FLT4: variants seen among roughly 807,000 people sequenced by gnomAD.
The protein encoded by FLT4 is vascular endothelial growth factor receptor 3.
A neutral mutation model predicts 163.2 loss-of-function variants in FLT4; 30 were observed. The observed-to-expected ratio is 0.18, with a 90% CI of 0.14 to 0.25. The LOEUF (loss-of-function observed/expected upper bound fraction) is 0.25. FLT4 is among the 10% of genes least tolerant of loss of function. The probability of loss-of-function intolerance (pLI) is 1.00; values close to 1 mark genes in which losing one functional copy is unlikely to be tolerated. For synonymous variants in FLT4, 884 were observed against 789.5 expected, an observed-to-expected ratio of 1.12 and a Z score of -2.01; for missense variants, 1,510 against 1,863.8, an observed-to-expected ratio of 0.81 and a Z score of 3.50.
chr5:180,610,042 G>A lies in FLT4; in HGVS notation c.3687-17C>T, dbSNP rs555429852. The A allele has an allele frequency of 1.9e-6, 3 of 1,613,978 alleles. No homozygotes were observed. Among genetic ancestry groups the A allele is most frequent in the Admixed American group, 3.3e-5 (2 of 60,018 alleles). ...TTGTAATACCTGTGGGGAGAAATCA[G>A]AAGGTGCTGAGGAACGCGCTGCAGC... is the stretch of plus-strand genomic sequence containing the variant. On this transcript the variant is annotated splice_polypyrimidine_tract_variant and intron_variant, in intron 27 of 29. Transcript: ENST00000261937.
chr5:180,621,680 C>G lies in FLT4; in HGVS notation c.1882G>C (p.Ala628Pro), dbSNP rs201196147. ...TPLAASLEEVAPGARHATLSL... is the reference protein window; with the variant it reads ...TPLAASLEEVPPGARHATLSL... ...AGCGTGGCGTGGCGCGCCCCAGGTG[C>G]CACCTCCTCCAGGCTGGCGGCCAGA... is the stretch of plus-strand genomic sequence containing the variant. Residue 628 changes from alanine to proline, a missense_variant, in exon 13 of 30, where the codon GCA (alanine) becomes CCA (proline). Physicochemically the swap from Ala to Pro is conservative, Grantham distance 27. This residue lies in a region of FLT4 where 878 missense variants were observed against 1,016.7 expected (regional missense o/e 0.86). Coordinates refer to ENST00000261937, the MANE Select transcript of FLT4 (RefSeq NM_182925.5). 33 of 1,611,180 alleles carry G rather than the reference C, an allele frequency of 2.0e-5. No individual in the cohort carries two copies. The highest frequency in any genetic ancestry group is 2.6e-5 in the Non-Finnish European group (31 of 1,178,918).
intron 11 of FLT4, 57 bp from the exon 12 acceptor site, chr5:180,622,896 CCTGT>C (rs1763265121): frequency 8.2e-7 from 1 of 1,224,426 alleles, no homozygotes; most frequent in East Asian, 2.3e-5. Flanking sequence ...CAACCTGGGC[CCTGT>C]CTTTCTGCAA....
intron 21 of FLT4, 54 bp downstream of exon 21, chr5:180,618,716 G>A (rs1762867639): frequency 7.1e-7 from 1 of 1,417,886 alleles, no homozygotes; most frequent in South Asian, 1.2e-5. Context: ...CCTGATCACG[G>A]GATATAACCG....
chr5:180,630,320 T>C lies in FLT4; in HGVS notation c.418A>G (p.Ile140Val), dbSNP rs746160997. Residue 140 changes from isoleucine (I) to valine (V), a missense_variant, in exon 4 of 30, where the codon ATC (isoleucine) becomes GTC (valine). By Grantham distance (29) the Ile-to-Val change is conservative. Transcript: ENST00000261937. This position sits in a 1 kb window ranked among gnomAD's most constrained non-coding sequence, Gnocchi z 6.3. ...VFVRDFEQPFINKPDTLLVNR... is the reference protein window; with the variant it reads ...VFVRDFEQPFVNKPDTLLVNR... ...ACCAAGAGCGTGTCAGGCTTGTTGATGAATGGCTGCTCAAAGTCTATGGAG... is the reference window on the plus strand; with the variant it reads ...ACCAAGAGCGTGTCAGGCTTGTTGACGAATGGCTGCTCAAAGTCTATGGAG... 6.2e-7 allele frequency: 1 copy of C among 1,610,862 alleles called. No individual in the cohort carries two copies. The highest frequency in any genetic ancestry group is 8.5e-7 in the Non-Finnish European group (1 of 1,179,930).
intron 28 of FLT4, 197 bp from the exon 29 acceptor site, chr5:180,609,250 C>G (rs1581609723): frequency 1.6e-6 from 1 of 633,820 alleles, no homozygotes; most frequent in East Asian, 2.8e-5. Context: ...GAGGGAGACA[C>G]TGAGGTCAGG....
In FLT4 at chr5:180,617,000, C is replaced by T. The variant is rs371048569; in HGVS notation, c.3002-6G>A. ...GCTCAGCCACAGGTCCTCAGCTACA[C>T]AGTGGAGCCAGGTGGGCTCAGGAGG... On this transcript the variant is annotated splice_polypyrimidine_tract_variant and splice_region_variant and intron_variant, in intron 21 of 29. Coordinates refer to ENST00000261937, the MANE Select transcript of FLT4 (RefSeq NM_182925.5). 5 of 1,611,264 alleles carry T rather than the reference C, an allele frequency of 3.1e-6. No individual in the cohort carries two copies. In the African/African-American group the frequency reaches 5.3e-5, roughly 17 times the overall value.
chr5:180,604,653 C>G (rs1004156547), intron 29 of FLT4, among the ~76,000 whole-genome samples: 1 of 152,228 alleles, frequency 6.6e-6, no homozygotes, highest in South Asian at 2.1e-4. Flanking sequence ...CCCTATCATG[C>G]ACCATCCTCA....
intron 1 of FLT4, among the ~76,000 whole-genome samples, chr5:180,643,494 C>G (rs2127867691): frequency 6.6e-6 from 1 of 152,346 alleles, no homozygotes; most frequent in South Asian, 2.1e-4. Context: ...GGCTCTCCCC[C>G]CGGGTGGCAA....
intron 23 of FLT4, among the ~76,000 whole-genome samples, chr5:180,615,236 G>T (rs1162201966): frequency 9.4e-6 from 1 of 106,194 alleles, no homozygotes; most frequent in African/African-American, 3.5e-5. Context: ...GGAGCACTGG[G>T]CCCCGCTGGT....
chr5:180,606,560 G>C (rs895729758), intron 29 of FLT4, among the ~76,000 whole-genome samples: 1 of 152,212 alleles, frequency 6.6e-6, no homozygotes, highest in Non-Finnish European at 1.5e-5. Flanking sequence ...TGGGCTGAGC[G>C]GCCTTCTTTG....
rs760476680 is a variant in FLT4 at position 180,625,945 on chromosome 5, C to G, written c.1345G>C (p.Gly449Arg). 1 of 1,612,710 alleles carries G rather than the reference C, an allele frequency of 6.2e-7. No individual in the cohort carries two copies. Among genetic ancestry groups the G allele is most frequent in the Non-Finnish European group, 8.5e-7 (1 of 1,179,944 alleles). ...TGGATGCTGAGAGGCAGGGGCACCC[C>G]GTAGGCCGTGCAGGTGAGGGCCTGG... is the stretch of plus-strand genomic sequence containing the variant. ...SRQALTCTAY[G>R]VPLPLSIQWH... Residue 449 changes from glycine to arginine, a missense_variant, in exon 10 of 30, where the codon GGG (glycine) becomes CGG (arginine). Gly to Arg is a moderately radical substitution (Grantham distance 125). Transcript: ENST00000261937.
Position 180,623,266 on chromosome 5 carries a change from G to A in FLT4, c.1549-427C>T, listed in dbSNP as rs1230416259. Among the ~76,000 whole-genome samples, 3 of 152,114 alleles carry A rather than the reference G, an allele frequency of 2.0e-5. No individual in the cohort carries two copies. Among genetic ancestry groups the A allele is most frequent in the East Asian group, 1.9e-4 (1 of 5,172 alleles). The stretch of plus-strand genomic sequence containing the variant: ...CCAGTCGCTGCTTGCTGAGATCCTC[G>A]TGAGATGGCCTCCTCAGCCCAGAAC... On this transcript the variant is annotated intron_variant, in intron 11 of 29. Coordinates refer to ENST00000261937, the MANE Select transcript of FLT4 (RefSeq NM_182925.5). The surrounding 1 kb of genome is among the most constrained non-coding windows in gnomAD (Gnocchi z 5.8).
At chr5:180,618,729 C>A (rs1231008640) in intron 21 of FLT4, 41 bp downstream of exon 21, 17 of 1,565,102 alleles carry the variant, frequency 1.1e-5, no homozygotes, top group Non-Finnish European at 1.4e-5. Flanking sequence ...TATAACCGGG[C>A]CCGTCAGGCA....
intron 1 of FLT4, among the ~76,000 whole-genome samples, chr5:180,649,255 G>A (rs1332674966): frequency 2.0e-5 from 3 of 151,816 alleles, no homozygotes; most frequent in Non-Finnish European, 4.4e-5. Flanking sequence ...CCCCTGCGCC[G>A]AGGCGCGGCC....
rs529603393 is a variant in FLT4, at chr5:180,630,097, C to T, written c.522G>A (p.Ser174=). 3.4e-5 allele frequency: 55 copies of T among 1,612,536 alleles called. No individual in the cohort carries two copies. Among genetic ancestry groups the T allele is most frequent in the Admixed American group, 2.3e-4 (14 of 60,004 alleles). The change falls in exon 5 of 30, where the codon TCG becomes TCA. Residue 174 remains serine, a synonymous_variant. Transcript: ENST00000261937. The surrounding 1 kb of genome is among the most constrained non-coding windows in gnomAD (Gnocchi z 6.3). The stretch of plus-strand genomic sequence containing the variant: ...CCTCCTGCCCGTCTGGCCACAGCAC[C>T]GAGCTTTGCTGGAGGGACAAGGCCA... ...GLNVTLRSQS[S]VLWPDGQEVV...
chr5:180,630,487 G>A lies in FLT4; in HGVS notation c.400+68C>T. 1.2e-6 allele frequency: 2 copies of A among 1,603,400 alleles called. No individual in the cohort carries two copies. Among genetic ancestry groups the A allele is most frequent in the Non-Finnish European group, 1.7e-6 (2 of 1,175,534 alleles). ...TCCTCCTGCCAGCCCAGGGTCCACA[G>A]GCTGGGGGCGGTGTGGGCCCCAGCT... On this transcript the variant is annotated intron_variant, in intron 3 of 29. Coordinates refer to ENST00000261937, the MANE Select transcript of FLT4 (RefSeq NM_182925.5). This position sits in a 1 kb window ranked among gnomAD's most constrained non-coding sequence, Gnocchi z 6.3.
Position 180,602,670 on chromosome 5 carries a change from A to T in FLT4, c.*522T>A, listed in dbSNP as rs78447148. The stretch of plus-strand genomic sequence containing the variant: ...CTGCAAATGCCTTCTTTGAGATGGA[A>T]ACACAGCCCCTCCCTTCAACTGTGC... On this transcript the variant is annotated 3_prime_UTR_variant, in exon 30 of 30. Coordinates refer to ENST00000261937, the MANE Select transcript of FLT4 (RefSeq NM_182925.5). 0.013 allele frequency: 5,409 copies of T among 412,400 alleles called. 85 individuals are homozygous for T. The highest frequency in any genetic ancestry group is 0.046 in the African/African-American group (2,279 of 49,060). The allele number at this position is 412,400 out of a possible 1,614,324, so 25.5% of individuals were successfully genotyped here. A position where few individuals can be genotyped will look rare whatever the true frequency, so the allele number is the denominator to read the frequency against.
intron 29 of FLT4, among the ~76,000 whole-genome samples, chr5:180,605,291 C>T (rs569989440): frequency 4.8e-4 from 73 of 152,270 alleles, no homozygotes; most frequent in African/African-American, 1.7e-3. Flanking sequence ...GATTTCTTTC[C>T]TGAATTTAGT....
chr5:180,607,011 G>A (rs961574061), intron 29 of FLT4, among the ~76,000 whole-genome samples: 3 of 152,182 alleles, frequency 2.0e-5, no homozygotes, highest in African/African-American at 7.2e-5. Flanking sequence ...CCGGGAGGTG[G>A]AGGTTGCGGT....
Sources: gnomAD v4.1 joint callset for allele counts (sites outside exome capture counted in the v4.1 genomes callset) on GRCh38, gnomAD v4.1.1 for gene constraint, gnomAD v4.1.1 regional missense constraint, Gnocchi (gnomAD v3.1) non-coding constraint, MANE v1.5 for transcripts, NCBI Gene and HGNC (gene_info 2026-07-23, HGNC 2026-07-21) for gene names.